CPNE4: variants seen among roughly 807,000 people sequenced by gnomAD.
CPNE4 encodes the protein copine 4, also known as copine-4.
CPNE4 carries 25 observed loss-of-function variants against 67.9 expected under a neutral mutation model. The ratio of observed to expected loss-of-function variants is 0.37; its 90% confidence interval spans 0.27 to 0.51. The LOEUF (loss-of-function observed/expected upper bound fraction) is 0.51, where lower values mean the gene tolerates loss of function less well. CPNE4 is among the 20% of genes least tolerant of loss of function. The probability of loss-of-function intolerance (pLI) is 0.93; values close to 1 mark genes in which losing one functional copy is unlikely to be tolerated. For missense variants in CPNE4, 464 were observed against 690.8 expected (o/e 0.67, Z 3.68); for synonymous variants, 242 against 244.9 (o/e 0.99, Z 0.11).
intron 1 of CPNE4, among the ~76,000 whole-genome samples, chr3:131,997,225 A>G (rs1169336782): frequency 6.6e-6 from 1 of 152,184 alleles, no homozygotes; most frequent in Non-Finnish European, 1.5e-5. Context: ...ACCACTCCAG[A>G]ATTCAATTTT....
chr3:131,995,453 G>A (rs368182156), intron 1 of CPNE4, among the ~76,000 whole-genome samples: 1 of 152,004 alleles, frequency 6.6e-6, no homozygotes, highest in South Asian at 2.1e-4. Flanking sequence ...CTTTTCTTCA[G>A]GAACTCCATT....
At chr3:131,590,308 C>G (rs1386422606) in intron 7 of CPNE4, among the ~76,000 whole-genome samples, 1 of 152,106 alleles carries the variant, frequency 6.6e-6, no homozygotes, top group African/African-American at 2.4e-5. Flanking sequence ...TGTGGAGAGA[C>G]AGCTTGACAG....
At chr3:131,829,279 C>A (rs1373249253) in intron 2 of CPNE4, among the ~76,000 whole-genome samples, 3 of 152,164 alleles carry the variant, frequency 2.0e-5, no homozygotes, top group African/African-American at 7.2e-5. Flanking sequence ...ACTTCAAATA[C>A]TTTTGCTGAA....
intron 1 of CPNE4, among the ~76,000 whole-genome samples, chr3:131,978,907 T>C (rs1303686829): frequency 6.6e-6 from 1 of 152,042 alleles, no homozygotes; most frequent in Non-Finnish European, 1.5e-5. Flanking sequence ...GTTGTTCAGT[T>C]TGAAGAATTT....
chr3:131,570,127 A>G (rs1937258073), intron 10 of CPNE4, among the ~76,000 whole-genome samples: 1 of 151,762 alleles, frequency 6.6e-6, no homozygotes, highest in African/African-American at 2.4e-5. Context: ...AAATACTATG[A>G]TAATAAATAT....
rs202122930 is a variant in CPNE4 at position 131,905,221 on chromosome 3, A to G, written c.180+43T>C. On this transcript the variant is annotated intron_variant, in intron 2 of 15. Transcript: ENST00000429747. Reference sequence around the variant, plus strand: ...AAAATATCAAAACATTTTTGAGCCAATCATCCAGCCATGGTTCTGTCCATT... The same window carrying G: ...AAAATATCAAAACATTTTTGAGCCAGTCATCCAGCCATGGTTCTGTCCATT... 6.3e-5 allele frequency: 95 copies of G among 1,512,882 alleles called. No homozygotes were observed. In the African/African-American group the frequency reaches 9.9e-4, roughly 16 times the overall value. 93.7% of individuals were successfully genotyped at this position (1,512,882 alleles called of 1,614,324 possible).
chr3:131,663,250 G>A (rs2080171800), intron 7 of CPNE4, among the ~76,000 whole-genome samples: 1 of 151,908 alleles, frequency 6.6e-6, no homozygotes, highest in South Asian at 2.1e-4. Context: ...TCATAAGTCG[G>A]AGTGGAAAAA....
upstream of CPNE4, among the ~76,000 whole-genome samples, chr3:132,035,803 T>C (rs181283543): frequency 3.3e-5 from 5 of 152,178 alleles, no homozygotes; most frequent in African/African-American, 1.2e-4. Flanking sequence ...CAAATTGGAC[T>C]TTGGAATTAA....
chr3:131,697,860 C>T (rs1444087298), intron 4 of CPNE4, among the ~76,000 whole-genome samples: 1 of 152,074 alleles, frequency 6.6e-6, no homozygotes, highest in Admixed American at 6.5e-5. Flanking sequence ...TTTCATGCAC[C>T]TTTTCAAGTG....
chr3:131,812,985 TAAAG>T (rs1444330839), intron 2 of CPNE4, among the ~76,000 whole-genome samples: 1 of 152,208 alleles, frequency 6.6e-6, no homozygotes, highest in African/African-American at 2.4e-5. Flanking sequence ...TAAGGATACT[TAAAG>T]AAAACTTATT....
At chr3:131,874,497 C>T (rs913970302) in intron 2 of CPNE4, among the ~76,000 whole-genome samples, 1 of 152,188 alleles carries the variant, frequency 6.6e-6, no homozygotes, top group African/African-American at 2.4e-5. Context: ...CCTGAAAACT[C>T]TCTCTGTTGG....
chr3:131,595,627 G>A (rs1167618897), intron 7 of CPNE4, among the ~76,000 whole-genome samples: 1 of 152,152 alleles, frequency 6.6e-6, no homozygotes, highest in South Asian at 2.1e-4. Flanking sequence ...GTAGGAGCAT[G>A]AGAGAGTGAG....
intron 2 of CPNE4, among the ~76,000 whole-genome samples, chr3:131,748,726 T>A (rs1169707755): frequency 1.3e-5 from 2 of 152,134 alleles, no homozygotes; most frequent in African/African-American, 4.8e-5. Context: ...TGACATTTTG[T>A]CTAAATTGTC....
intron 15 of CPNE4, among the ~76,000 whole-genome samples, chr3:131,542,023 A>T (rs906941351): frequency 1.3e-5 from 2 of 152,124 alleles, no homozygotes; most frequent in Admixed American, 6.5e-5. Context: ...GAGTTAAATA[A>T]ATTTTTGATG....
At chr3:131,898,670 A>T (rs780842068) in intron 2 of CPNE4, among the ~76,000 whole-genome samples, 1 of 152,108 alleles carries the variant, frequency 6.6e-6, no homozygotes, top group Non-Finnish European at 1.5e-5. Context: ...TAAGTGCATC[A>T]CTTAAAAGTT....
rs1935567788 is a variant in CPNE4, at chr3:131,542,590, G to A, written c.1506C>T (p.Ile502=). The A allele has an allele frequency of 6.8e-6, 11 of 1,614,026 alleles. No homozygotes were observed. The highest frequency in any genetic ancestry group is 1.7e-4 in the Middle Eastern group (1 of 6,058). Residue 502 remains isoleucine (I), a synonymous_variant, in exon 15 of 16, where the codon ATC becomes ATT. Coordinates refer to ENST00000429747, the MANE Select transcript of CPNE4 (RefSeq NM_130808.3). ...SPKGEPVLRD[I]VQFVPFRNFK... is the part of the protein sequence containing the mutation. ...AGTTCCTGAAGGGCACGAACTGGAC[G>A]ATGTCTCGAAGAACAGGCTCTCCCT...
intron 12 of CPNE4, 82 bp from the exon 13 acceptor site, chr3:131,552,573 G>T: frequency 8.7e-7 from 1 of 1,148,372 alleles, no homozygotes; most frequent in Non-Finnish European, 1.3e-6. Context: ...GGGGTTTAGA[G>T]TTTGCAAACA....
chr3:131,687,921 T>C (rs949317219), intron 5 of CPNE4, among the ~76,000 whole-genome samples: 19 of 152,086 alleles, frequency 1.2e-4, no homozygotes, highest in African/African-American at 4.1e-4. Context: ...TTCACAGACA[T>C]AGAGGGGGAT....
intron 7 of CPNE4, among the ~76,000 whole-genome samples, chr3:131,623,218 T>C (rs1197220449): frequency 6.9e-6 from 1 of 145,704 alleles, no homozygotes; most frequent in African/African-American, 2.8e-5. Context: ...TGTAGTGACA[T>C]ACTTAAACTG....
Sources: gnomAD v4.1 joint callset for allele counts (sites outside exome capture counted in the v4.1 genomes callset) on GRCh38, gnomAD v4.1.1 for gene constraint, MANE v1.5 for transcripts, NCBI Gene and HGNC (gene_info 2026-07-23, HGNC 2026-07-21) for gene names.